Variants in ARHGAP15 observed in about 807,000 individuals in gnomAD.
ARHGAP15 encodes the protein rho GTPase-activating protein 15.
In ARHGAP15, 51 loss-of-function variants were observed where a neutral mutation model predicts 63.7. The ratio of observed to expected loss-of-function variants is 0.80; its 90% CI spans 0.64 to 1.01. The LOEUF (loss-of-function observed/expected upper bound fraction) is 1.01. Ranked by LOEUF, ARHGAP15 falls within the 50% of genes least tolerant of loss-of-function variation. The pLI is 0.00. For synonymous variants in ARHGAP15, 191 were observed against 193.8 expected (o/e 0.99, Z 0.12); for missense variants, 560 against 564.6 (o/e 0.99, Z 0.08).
chr2:143,579,019 G>T (rs1178281277), intron 11 of ARHGAP15, among the ~76,000 whole-genome samples: 1 of 152,042 alleles, frequency 6.6e-6, no homozygotes, highest in East Asian at 1.9e-4. Flanking sequence ...TCTTTAAAGT[G>T]GGTTTTAAGA....
At chr2:143,665,619 A>G (rs1682123388) in intron 12 of ARHGAP15, among the ~76,000 whole-genome samples, 3 of 78,558 alleles carry the variant, frequency 3.8e-5, no homozygotes, top group African/African-American at 1.6e-4. Context: ...GAAAAGAGGA[A>G]GTCAAATTGT....
intron 12 of ARHGAP15, among the ~76,000 whole-genome samples, chr2:143,630,805 A>G (rs1429863503): frequency 6.6e-6 from 1 of 151,966 alleles, no homozygotes; most frequent in Admixed American, 6.6e-5. Flanking sequence ...ATTTTTAATA[A>G]TTGAGGATTT....
intron 10 of ARHGAP15, among the ~76,000 whole-genome samples, chr2:143,534,591 A>T (rs1018409263): frequency 2.6e-5 from 4 of 152,066 alleles, no homozygotes; most frequent in African/African-American, 9.7e-5. Flanking sequence ...AAAAAGACCT[A>T]TATGGGGCCA....
chr2:143,712,803 T>TAAAAA (rs11464621), intron 13 of ARHGAP15, among the ~76,000 whole-genome samples: 1 of 145,530 alleles, frequency 6.9e-6, no homozygotes. Flanking sequence ...CCTTCAGCTT[T>TAAAAA]AAAAAAAAAA....
At chr2:143,326,984 T>G (rs773443528) in intron 6 of ARHGAP15, among the ~76,000 whole-genome samples, 43 of 152,206 alleles carry the variant, frequency 2.8e-4, no homozygotes, top group Non-Finnish European at 7.3e-5. Flanking sequence ...TGTCTCTGTT[T>G]GCAGATGACA....
intron 8 of ARHGAP15, among the ~76,000 whole-genome samples, chr2:143,478,706 TTATAAA>T (rs55636336): frequency 0.19 from 29,115 of 152,050 alleles, 3,319 homozygotes; most frequent in East Asian, 0.47. Context: ...TTAGTCATTA[TTATAAA>T]TATGACATTA....
intron 2 of ARHGAP15, among the ~76,000 whole-genome samples, chr2:143,192,284 C>A (rs916432895): frequency 1.3e-5 from 2 of 152,190 alleles, no homozygotes; most frequent in South Asian, 2.1e-4. Context: ...TGTATAAAGA[C>A]TAGGACAGAT....
At chr2:143,731,283 A>T (rs1242836577) in intron 13 of ARHGAP15, among the ~76,000 whole-genome samples, 1 of 152,188 alleles carries the variant, frequency 6.6e-6, no homozygotes, top group African/African-American at 2.4e-5. Flanking sequence ...AGGTCGTTAA[A>T]TACAGTTAGA....
chr2:143,533,577 C>T (rs1259693442), intron 10 of ARHGAP15, among the ~76,000 whole-genome samples: 1 of 152,066 alleles, frequency 6.6e-6, no homozygotes, highest in East Asian at 1.9e-4. Flanking sequence ...TAATTTGTCT[C>T]CTATTAGAGT....
chr2:143,558,627 T>A (rs951648058), intron 11 of ARHGAP15, among the ~76,000 whole-genome samples: 29 of 152,198 alleles, frequency 1.9e-4, no homozygotes, highest in Admixed American at 1.9e-3. Context: ...AGGTAGGACT[T>A]GAATCATCCT....
At chr2:143,611,082 C>A (rs541791304) in intron 11 of ARHGAP15, among the ~76,000 whole-genome samples, 8 of 152,042 alleles carry the variant, frequency 5.3e-5, no homozygotes, top group Non-Finnish European at 7.4e-5. Flanking sequence ...GGCTGTATAC[C>A]GTAATGGAAT....
chr2:143,200,443 A>G (rs1216386934), intron 2 of ARHGAP15, among the ~76,000 whole-genome samples: 1 of 151,204 alleles, frequency 6.6e-6, no homozygotes, highest in African/African-American at 2.4e-5. Context: ...TCCTTCAGTC[A>G]GTTGTATGTG....
chr2:143,553,440 A>T (rs1468728807), intron 10 of ARHGAP15, among the ~76,000 whole-genome samples: 1 of 152,132 alleles, frequency 6.6e-6, no homozygotes, highest in African/African-American at 2.4e-5. Context: ...ATTGCATCTA[A>T]TATGTTTTGC....
intron 10 of ARHGAP15, among the ~76,000 whole-genome samples, chr2:143,544,289 T>A (rs1007130971): frequency 6.6e-6 from 1 of 152,164 alleles, no homozygotes; most frequent in African/African-American, 2.4e-5. Flanking sequence ...AAATTAGAGA[T>A]ACAAAATACA....
chr2:143,652,916 C>T (rs1403323611), intron 12 of ARHGAP15, among the ~76,000 whole-genome samples: 3 of 151,966 alleles, frequency 2.0e-5, no homozygotes, highest in South Asian at 2.1e-4. Flanking sequence ...TGCCTTATTG[C>T]ATTGGCTAAA....
At chr2:143,201,478 C>T (rs938666483) in intron 2 of ARHGAP15, among the ~76,000 whole-genome samples, 1 of 151,940 alleles carries the variant, frequency 6.6e-6, no homozygotes, top group Non-Finnish European at 1.5e-5. Context: ...TATTCACTAA[C>T]CCGAGCATTT....
At chr2:143,449,264 C>G (rs1273785137) in intron 8 of ARHGAP15, among the ~76,000 whole-genome samples, 1 of 152,002 alleles carries the variant, frequency 6.6e-6, no homozygotes, top group African/African-American at 2.4e-5. Context: ...AACAGACAAA[C>G]AAGAAACCAA....
intron 6 of ARHGAP15, among the ~76,000 whole-genome samples, chr2:143,278,317 G>A (rs1681667324): frequency 6.6e-6 from 1 of 152,122 alleles, no homozygotes; most frequent in African/African-American, 2.4e-5. Context: ...TCTCCCAGAT[G>A]GTCTGCAGCA....
chr2:143,453,772 C>T (rs1690517880), intron 8 of ARHGAP15, among the ~76,000 whole-genome samples: 1 of 150,006 alleles, frequency 6.7e-6, no homozygotes, highest in Admixed American at 6.7e-5. Context: ...TATTAGCTTA[C>T]TGAGTGAAAA....
Sources: gnomAD v4.1 joint callset for allele counts (sites outside exome capture counted in the v4.1 genomes callset) on GRCh38, gnomAD v4.1.1 for gene constraint, MANE v1.5 for transcripts, NCBI Gene and HGNC (gene_info 2026-07-23, HGNC 2026-07-21) for gene names.